AGMO: variants seen among roughly 807,000 people sequenced by gnomAD.
AGMO encodes the protein glyceryl-ether monooxygenase.
Under a neutral mutation model 60.2 loss-of-function variants are expected in AGMO, and 75 were observed. The ratio of observed to expected loss-of-function variants is 1.25; its 90% CI spans 1.03 to 1.51. The LOEUF is 1.51. Among genes scored for constraint, AGMO ranks in the 40% most tolerant of loss-of-function variants. The pLI is 0.00. For synonymous variants in AGMO, 261 were observed against 177.1 expected (o/e 1.47, Z -3.76); for missense variants, 763 against 525.5 (o/e 1.45, Z -4.42).
chr7:15,540,075 G>C (rs1370136894), intron 3 of AGMO, among the ~76,000 whole-genome samples: 1 of 152,088 alleles, frequency 6.6e-6, no homozygotes, highest in East Asian at 1.9e-4. Flanking sequence ...AGGTAAGGAG[G>C]GAGGAATTCA....
At chr7:15,365,436 A>T (rs1422682905) in intron 12 of AGMO, 78 bp downstream of exon 12, 2 of 797,082 alleles carry the variant, frequency 2.5e-6, no homozygotes, top group South Asian at 1.8e-5. Flanking sequence ...AATGAAGTAG[A>T]GAAAACATCC....
intron 12 of AGMO, among the ~76,000 whole-genome samples, chr7:15,353,967 C>G (rs571757329): frequency 6.6e-6 from 1 of 152,092 alleles, no homozygotes; most frequent in Non-Finnish European, 1.5e-5. Flanking sequence ...AAAGCCAATA[C>G]ATTTTGGAAA....
chr7:15,143,000 T>G, the AGMO span, among the ~76,000 whole-genome samples: 239 of 152,332 alleles, frequency 1.6e-3, 1 homozygote, highest in Admixed American at 5.9e-3. Flanking sequence ...TCACAGTTAC[T>G]AAACTGAGGA....
At chr7:15,455,149 TATC>T (rs986432250) in intron 3 of AGMO, among the ~76,000 whole-genome samples, 3 of 151,662 alleles carry the variant, frequency 2.0e-5, no homozygotes, top group Non-Finnish European at 4.4e-5. Flanking sequence ...AGAGTTATAT[TATC>T]ATTATTTTTG....
chr7:15,145,576 C>T, the AGMO span, among the ~76,000 whole-genome samples: 1 of 151,902 alleles, frequency 6.6e-6, no homozygotes, highest in African/African-American at 2.4e-5. Flanking sequence ...ATTGTTTTTA[C>T]TGTATTTTTG....
chr7:15,374,866 A>C (rs1234939824), intron 10 of AGMO, among the ~76,000 whole-genome samples: 1 of 152,008 alleles, frequency 6.6e-6, no homozygotes, highest in Non-Finnish European at 1.5e-5. Context: ...TGCATAGAGA[A>C]CCCTAAAAAT....
chr7:15,531,869 A>C (rs1322079960), intron 3 of AGMO, among the ~76,000 whole-genome samples: 1 of 151,522 alleles, frequency 6.6e-6, no homozygotes, highest in African/African-American at 2.4e-5. Flanking sequence ...GGGTTTCTCC[A>C]TATTGGCCAA....
At chr7:15,559,716 G>A (rs1291245485) in intron 2 of AGMO, among the ~76,000 whole-genome samples, 4 of 152,022 alleles carry the variant, frequency 2.6e-5, no homozygotes, top group South Asian at 2.1e-4. Flanking sequence ...GGCTGCAAAC[G>A]GGGTTGTACT....
chr7:15,547,672 C>T (rs1308573008), intron 2 of AGMO, among the ~76,000 whole-genome samples: 2 of 152,000 alleles, frequency 1.3e-5, no homozygotes, highest in East Asian at 1.9e-4. Flanking sequence ...CCTACGCCCA[C>T]GGAGTCTCGC....
At chr7:15,529,763 T>TATATACTATA (rs1322329496) in intron 3 of AGMO, among the ~76,000 whole-genome samples, 36 of 116,234 alleles carry the variant, frequency 3.1e-4, no homozygotes, top group African/African-American at 1.1e-3. Flanking sequence ...TATATATATA[T>TATATACTATA]TTCTCTATAT....
intron 4 of AGMO, among the ~76,000 whole-genome samples, chr7:15,421,949 G>A (rs1193762999): frequency 6.6e-6 from 1 of 152,066 alleles, no homozygotes. Context: ...CAGTCTCAGA[G>A]GTGGGAAAGA....
At chr7:15,374,902 G>T (rs1303140141) in intron 10 of AGMO, among the ~76,000 whole-genome samples, 1 of 152,072 alleles carries the variant, frequency 6.6e-6, no homozygotes, top group African/African-American at 2.4e-5. Flanking sequence ...CAAGTCTTTA[G>T]CAAGTCAGCT....
Position 15,560,299 on chromosome 7 carries a change from G to A in AGMO, c.127-28C>T, listed in dbSNP as rs772171932. The A allele has an allele frequency of 1.2e-6, 2 of 1,607,580 alleles. 1 individual carries two copies. Among genetic ancestry groups the A allele is most frequent in the South Asian group, 2.2e-5 (2 of 90,704 alleles). ...GGAAAGGAAGTTGCAGAAAAGAGAT[G>A]CTATTATGTTCCATATGAAATTATT... On this transcript the variant is annotated intron_variant, in intron 1 of 12. Transcript: ENST00000342526.
intron 12 of AGMO, among the ~76,000 whole-genome samples, chr7:15,338,033 A>G (rs1365388718): frequency 6.6e-6 from 1 of 152,194 alleles, no homozygotes; most frequent in African/African-American, 2.4e-5. Context: ...CTCAGGTGGA[A>G]AGGAATGTTT....
the AGMO span, among the ~76,000 whole-genome samples, chr7:15,186,689 C>A: frequency 6.6e-6 from 1 of 152,212 alleles, no homozygotes; most frequent in Non-Finnish European, 1.5e-5. Context: ...TCTTAGAGTT[C>A]TTATATAACC....
rs148531830 is a variant in AGMO, at chr7:15,472,866, A to G, written c.410-41758T>C. On this transcript the variant is annotated intron_variant, in intron 3 of 12. Transcript: ENST00000342526. ...TTCAATGTGATGGAGTAGCCCTAAA[A>G]GTGACTTTTGGCTGCAAAATTAGAA... is the stretch of plus-strand genomic sequence containing the variant. Among the ~76,000 whole-genome samples the G allele has an allele frequency of 2.8e-3, 426 of 151,972 alleles. 1 individual carries two copies. Among genetic ancestry groups the G allele is most frequent in the African/African-American group, 9.9e-3 (409 of 41,504 alleles).
chr7:15,348,375 GA>G (rs1782110438), intron 12 of AGMO, among the ~76,000 whole-genome samples: 1 of 152,000 alleles, frequency 6.6e-6, no homozygotes, highest in Admixed American at 6.6e-5. Flanking sequence ...AATGATCGAT[GA>G]AACTGTTTAG....
chr7:15,415,522 A>G (rs1016570026), intron 5 of AGMO, among the ~76,000 whole-genome samples: 1 of 151,972 alleles, frequency 6.6e-6, no homozygotes, highest in African/African-American at 2.4e-5. Flanking sequence ...CAGCCTGGCA[A>G]CAGAGTGAGA....
intron 12 of AGMO, among the ~76,000 whole-genome samples, chr7:15,341,078 G>A (rs1427284112): frequency 6.6e-6 from 1 of 152,086 alleles, no homozygotes; most frequent in Middle Eastern, 3.2e-3. Flanking sequence ...GGAGTCAAAG[G>A]AAATCATTTC....
Sources: allele counts gnomAD v4.1 joint callset (sites outside exome capture counted in the v4.1 genomes callset), GRCh38; gene constraint gnomAD v4.1.1; transcripts MANE v1.5; gene names NCBI Gene and HGNC (gene_info 2026-07-23, HGNC 2026-07-21).